The following BMP6 variants were observed in gnomAD, a reference collection of about 807,000 sequenced individuals.
The protein encoded by BMP6 is bone morphogenetic protein 6.
A neutral mutation model predicts 54.1 loss-of-function variants in BMP6; 17 were observed. That is an observed-to-expected ratio of 0.31 (90% CI 0.22 to 0.47). The LOEUF (loss-of-function observed/expected upper bound fraction) is 0.47, where lower values mean the gene tolerates loss of function less well. Ranked by LOEUF, BMP6 falls within the 20% of genes least tolerant of loss-of-function variation. The probability of loss-of-function intolerance (pLI) is 1.00; values close to 1 mark genes in which losing one functional copy is unlikely to be tolerated. For synonymous variants in BMP6, 328 were observed against 291.2 expected (o/e 1.13, Z -1.28); for missense variants, 720 against 690.4 (o/e 1.04, Z -0.48).
chr6:7,837,156 A>G (rs539993684), intron 1 of BMP6, among the ~76,000 whole-genome samples: 3 of 152,324 alleles, frequency 2.0e-5, no homozygotes, highest in African/African-American at 7.2e-5. Flanking sequence ...TTTAAAGTAA[A>G]TATGTTAAAT....
intron 1 of BMP6, among the ~76,000 whole-genome samples, chr6:7,735,748 C>T (rs1445121031): frequency 6.6e-6 from 1 of 152,180 alleles, no homozygotes. Flanking sequence ...ATGGACACAT[C>T]ATTGTCACCT....
chr6:7,752,745 G>T (rs1481540649), intron 1 of BMP6, among the ~76,000 whole-genome samples: 2 of 152,110 alleles, frequency 1.3e-5, no homozygotes, highest in Non-Finnish European at 2.9e-5. Context: ...TGCCCTAAAA[G>T]TGTAGACTAT....
intron 2 of BMP6, among the ~76,000 whole-genome samples, chr6:7,854,181 T>C (rs1048443012): frequency 2.0e-5 from 3 of 152,164 alleles, no homozygotes; most frequent in African/African-American, 7.2e-5. Context: ...AACTATGCCT[T>C]ATATATTTAT....
At chr6:7,754,975 C>T (rs905214788) in intron 1 of BMP6, among the ~76,000 whole-genome samples, 13 of 152,172 alleles carry the variant, frequency 8.5e-5, no homozygotes, top group Admixed American at 1.3e-4. Flanking sequence ...GCCTTGGCCT[C>T]CCAAAGTGCT....
chr6:7,756,851 T>G (rs1757521715), intron 1 of BMP6, among the ~76,000 whole-genome samples: 1 of 152,222 alleles, frequency 6.6e-6, no homozygotes, highest in Non-Finnish European at 1.5e-5. Flanking sequence ...ATTCTGGTTC[T>G]CCAGCACGCA....
chr6:7,815,287 G>A (rs1014645765), intron 1 of BMP6, among the ~76,000 whole-genome samples: 3 of 152,172 alleles, frequency 2.0e-5, no homozygotes, highest in Admixed American at 6.6e-5. Context: ...TGGATGTGCC[G>A]CAACTGCCTC....
chr6:7,767,816 G>A (rs1024156367), intron 1 of BMP6, among the ~76,000 whole-genome samples: 4 of 152,104 alleles, frequency 2.6e-5, no homozygotes, highest in African/African-American at 7.2e-5. Flanking sequence ...AATTTTTGTT[G>A]AGAGCTGGAC....
intron 1 of BMP6, among the ~76,000 whole-genome samples, chr6:7,808,601 T>C (rs894890540): frequency 2.2e-4 from 34 of 152,110 alleles, no homozygotes; most frequent in African/African-American, 4.8e-4. Context: ...CACCAAACTT[T>C]TGTCTGATTT....
rs1004841696 is a variant in BMP6 at position 7,726,451 on chromosome 6, T to A, written c.-505T>A. On this transcript the variant is annotated 5_prime_UTR_variant, in exon 1 of 7. Coordinates refer to ENST00000283147, the MANE Select transcript of BMP6 (RefSeq NM_001718.6). ...CCCTGCAACGGGGTAAACTTCATGG[T>A]GGCCCTGCGATCTGGGGAGGGGCGT... is the stretch of plus-strand genomic sequence containing the variant. Among the ~76,000 whole-genome samples, 1 of 152,114 alleles carries A rather than the reference T, an allele frequency of 6.6e-6. No individual in the cohort carries two copies.
rs764836345 is a variant in BMP6 at position 7,880,008 on chromosome 6, C to G, written c.1299C>G (p.Pro433=). 3.1e-6 allele frequency: 5 copies of G among 1,614,190 alleles called. No homozygotes were observed. The highest frequency in any genetic ancestry group is 4.2e-6 in the Non-Finnish European group (5 of 1,180,030). The change falls in exon 6 of 7, where the codon CCC becomes CCG. Residue 433 remains proline, a synonymous_variant. Transcript: ENST00000283147. ...DLGWQDWIIA[P]KGYAANYCDG... ...AAATTAAGGACTGGATCATTGCACC[C>G]AAGGGCTATGCTGCCAATTACTGTG...
chr6:7,866,074 T>C (rs576848121), intron 4 of BMP6, among the ~76,000 whole-genome samples: 3 of 152,368 alleles, frequency 2.0e-5, no homozygotes, highest in South Asian at 4.1e-4. Context: ...AGCTGGACTT[T>C]CCAAACATGT....
chr6:7,876,683 CTAA>C (rs1374154186), intron 4 of BMP6, among the ~76,000 whole-genome samples: 14 of 152,272 alleles, frequency 9.2e-5, no homozygotes, highest in African/African-American at 2.6e-4. Flanking sequence ...AATTAGACAA[CTAA>C]TGTTTAACCT....
chr6:7,838,269 G>A (rs997455354), intron 1 of BMP6, among the ~76,000 whole-genome samples: 4 of 152,000 alleles, frequency 2.6e-5, no homozygotes, highest in African/African-American at 9.7e-5. Context: ...TATTTTCCTA[G>A]GTATGCACGT....
chr6:7,803,870 A>G (rs1758308437), intron 1 of BMP6, among the ~76,000 whole-genome samples: 1 of 152,186 alleles, frequency 6.6e-6, no homozygotes, highest in South Asian at 2.1e-4. Flanking sequence ...TATCACTGGC[A>G]TATTAGATTG....
chr6:7,870,642 CA>C (rs964475583), intron 4 of BMP6, among the ~76,000 whole-genome samples: 1 of 150,202 alleles, frequency 6.7e-6, no homozygotes, highest in Non-Finnish European at 1.5e-5. Flanking sequence ...ACAACAACAA[CA>C]AAAAAAAACG....
chr6:7,728,142 T>C (rs1240474787), intron 1 of BMP6, among the ~76,000 whole-genome samples: 2 of 150,258 alleles, frequency 1.3e-5, no homozygotes, highest in African/African-American at 2.5e-5. Context: ...GGCATGAGTA[T>C]GTTTAGAGGT....
chr6:7,732,190 A>G (rs1761873313), intron 1 of BMP6, among the ~76,000 whole-genome samples: 1 of 152,206 alleles, frequency 6.6e-6, no homozygotes, highest in Non-Finnish European at 1.5e-5. Context: ...TGTTAGCAGA[A>G]AATAAATCCA....
At chr6:7,728,393 G>T (rs962087864) in intron 1 of BMP6, among the ~76,000 whole-genome samples, 3 of 152,198 alleles carry the variant, frequency 2.0e-5, no homozygotes, top group Non-Finnish European at 4.4e-5. Context: ...GGGGTTGGGC[G>T]CTGAGCTCCT....
chr6:7,811,805 G>A (rs1758440400), intron 1 of BMP6, among the ~76,000 whole-genome samples: 1 of 152,214 alleles, frequency 6.6e-6, no homozygotes, highest in Admixed American at 6.5e-5. Context: ...TTGCAGAGAT[G>A]AGAATGCTTT....
Sources: allele counts gnomAD v4.1 joint callset (sites outside exome capture counted in the v4.1 genomes callset), GRCh38; gene constraint gnomAD v4.1.1; transcripts MANE v1.5; gene names NCBI Gene and HGNC (gene_info 2026-07-23, HGNC 2026-07-21).